KCNIP1: variants seen among roughly 807,000 people sequenced by gnomAD.
KCNIP1 encodes potassium voltage-gated channel interacting protein 1.
Under a neutral mutation model 33.0 loss-of-function variants are expected in KCNIP1, and 18 were observed. The ratio of observed to expected loss-of-function variants is 0.55; its 90% CI spans 0.38 to 0.81. The LOEUF (loss-of-function observed/expected upper bound fraction) is 0.81, where lower values mean the gene tolerates loss of function less well. KCNIP1 is among the 30% of genes least tolerant of loss of function. The pLI, the probability that KCNIP1 is intolerant of heterozygous loss-of-function variation, is 0.00. For missense variants in KCNIP1, 238 were observed against 271.6 expected, an observed-to-expected ratio of 0.88 and a Z score of 0.87; for synonymous variants, 93 against 98.3, an observed-to-expected ratio of 0.95 and a Z score of 0.32.
chr5:170,372,977 G>A (rs1177270747), intron 1 of KCNIP1, among the ~76,000 whole-genome samples: 3 of 152,200 alleles, frequency 2.0e-5, no homozygotes, highest in African/African-American at 7.2e-5. Flanking sequence ...TGCAACTGGG[G>A]GAGATGCAGC....
intron 1 of KCNIP1, among the ~76,000 whole-genome samples, chr5:170,624,328 G>A (rs1368311411): frequency 2.6e-5 from 4 of 152,146 alleles, no homozygotes; most frequent in Admixed American, 2.0e-4. Flanking sequence ...ATCTTGCTGA[G>A]CTTAGAGTCA....
chr5:170,563,992 C>G (rs2113463976), intron 1 of KCNIP1, among the ~76,000 whole-genome samples: 1 of 152,124 alleles, frequency 6.6e-6, no homozygotes, highest in Non-Finnish European at 1.5e-5. Context: ...CCCAACACAC[C>G]CCTTCCTTCT....
chr5:170,682,630 A>G (rs1025930194), intron 1 of KCNIP1, among the ~76,000 whole-genome samples: 3 of 152,074 alleles, frequency 2.0e-5, no homozygotes, highest in African/African-American at 7.2e-5. Context: ...TTTTCTGAAG[A>G]TCCAAACTCA....
chr5:170,481,865 G>A (rs1475744977), intron 1 of KCNIP1, among the ~76,000 whole-genome samples: 1 of 152,218 alleles, frequency 6.6e-6, no homozygotes, highest in African/African-American at 2.4e-5. Flanking sequence ...CATCCATGGT[G>A]GGTTTTTCCC....
chr5:170,684,471 G>T (rs192675619), intron 1 of KCNIP1, among the ~76,000 whole-genome samples: 32 of 152,280 alleles, frequency 2.1e-4, no homozygotes, highest in African/African-American at 7.5e-4. Context: ...TTGTGGTAAT[G>T]TATTATGACA....
chr5:170,430,221 A>G (rs1006486206), intron 1 of KCNIP1, among the ~76,000 whole-genome samples: 2 of 152,206 alleles, frequency 1.3e-5, no homozygotes, highest in South Asian at 2.1e-4. Flanking sequence ...GTAGGACCCA[A>G]TAGGGGCTTT....
chr5:170,549,605 C>T (rs1336085800), intron 1 of KCNIP1, among the ~76,000 whole-genome samples: 1 of 152,166 alleles, frequency 6.6e-6, no homozygotes, highest in African/African-American at 2.4e-5. Flanking sequence ...TGATTTAACC[C>T]ATTAACAGTG....
chr5:170,443,166 C>T (rs1024200857), intron 1 of KCNIP1, among the ~76,000 whole-genome samples: 10 of 152,204 alleles, frequency 6.6e-5, no homozygotes, highest in African/African-American at 2.4e-4. Context: ...TGGATCACCA[C>T]CGAGGCACAG....
chr5:170,544,299 T>A (rs114220915), intron 1 of KCNIP1, among the ~76,000 whole-genome samples: 4,826 of 152,180 alleles, frequency 0.032, 125 homozygotes, highest in Non-Finnish European at 0.05. Flanking sequence ...ATTTCTAAAG[T>A]AGTTCAGAAT....
At chr5:170,560,196 GCTC>G (rs1325379610) in intron 1 of KCNIP1, among the ~76,000 whole-genome samples, 1 of 152,124 alleles carries the variant, frequency 6.6e-6, no homozygotes, top group Non-Finnish European at 1.5e-5. Flanking sequence ...CTGTCTTCCA[GCTC>G]CTCCTCTCAG....
intron 1 of KCNIP1, among the ~76,000 whole-genome samples, chr5:170,607,923 C>T (rs1305291539): frequency 6.6e-6 from 1 of 152,216 alleles, no homozygotes; most frequent in Non-Finnish European, 1.5e-5. Flanking sequence ...TGCCAATATT[C>T]TTGGAGAATG....
chr5:170,592,182 G>A (rs941101089), intron 1 of KCNIP1, among the ~76,000 whole-genome samples: 4 of 152,066 alleles, frequency 2.6e-5, no homozygotes, highest in Non-Finnish European at 5.9e-5. Context: ...TTCTCATTGT[G>A]GTTTGCTTTG....
intron 1 of KCNIP1, chr5:170,680,683 C>T (rs185665010): frequency 2.5e-4 from 40 of 161,732 alleles, no homozygotes; most frequent in Admixed American, 2.6e-4. Flanking sequence ...AGCAATGGGG[C>T]TCTTTCTGTA....
intron 1 of KCNIP1, among the ~76,000 whole-genome samples, chr5:170,358,267 G>A (rs373665007): frequency 6.6e-6 from 1 of 152,202 alleles, no homozygotes; most frequent in Admixed American, 6.5e-5. Flanking sequence ...ATGAGGCTGC[G>A]GGGGTGGGGA....
At position 170,489,414 on chromosome 5, in the gene KCNIP1, G is replaced by T. The variant is rs1757160979; in HGVS notation, c.88+135450G>T. On this transcript the variant is annotated intron_variant, in intron 1 of 7. Coordinates refer to the KCNIP1 transcript ENST00000377360. The surrounding 1 kb of genome is among the most constrained non-coding windows in gnomAD (Gnocchi z 4.3). Reference sequence around the variant, plus strand: ...AGGGCCTCGTGCAGGAGGCCCCTGGGCAAGGGCCGGCCCTTCTCCTCTCCC... The same window carrying T: ...AGGGCCTCGTGCAGGAGGCCCCTGGTCAAGGGCCGGCCCTTCTCCTCTCCC... 6.6e-6 allele frequency among the ~76,000 whole-genome samples: 1 copy of T among 152,174 alleles called. No individual in the cohort carries two copies. Among genetic ancestry groups the T allele is most frequent in the South Asian group, 2.1e-4 (1 of 4,828 alleles).
chr5:170,496,081 T>C (rs1299388087), intron 1 of KCNIP1, among the ~76,000 whole-genome samples: 1 of 152,190 alleles, frequency 6.6e-6, no homozygotes, highest in African/African-American at 2.4e-5. Context: ...GCAGGGTTAC[T>C]GTTCCCTCCT....
chr5:170,516,891 G>A (rs1223260726), intron 1 of KCNIP1, among the ~76,000 whole-genome samples: 3 of 152,200 alleles, frequency 2.0e-5, no homozygotes, highest in South Asian at 2.1e-4. Flanking sequence ...CAGTGCATAC[G>A]TGGTGGGGAT....
At chr5:170,516,724 C>A (rs772118179) in intron 1 of KCNIP1, among the ~76,000 whole-genome samples, 7 of 152,194 alleles carry the variant, frequency 4.6e-5, no homozygotes, top group Admixed American at 6.5e-5. Context: ...CCAGTCCTAG[C>A]TTACCGTTTA....
intron 1 of KCNIP1, among the ~76,000 whole-genome samples, chr5:170,535,928 C>T (rs1222130654): frequency 1.3e-5 from 2 of 152,212 alleles, no homozygotes; most frequent in Non-Finnish European, 2.9e-5. Context: ...GAACTGCCTC[C>T]TCCAGCCCCA....
Sources: allele counts gnomAD v4.1 joint callset (sites outside exome capture counted in the v4.1 genomes callset), GRCh38; gene constraint gnomAD v4.1.1; non-coding constraint Gnocchi (gnomAD v3.1); transcripts MANE v1.5; gene names NCBI Gene and HGNC (gene_info 2026-07-23, HGNC 2026-07-21).